The following NAGPA variants were observed in gnomAD, a reference collection of about 807,000 sequenced individuals.
NAGPA encodes alpha-N-acetylglucosaminyl phosphodiesterase.
Under a neutral mutation model 48.5 loss-of-function variants are expected in NAGPA, and 56 were observed. The observed-to-expected ratio is 1.15, with a 90% CI of 0.93 to 1.44. NAGPA has a LOEUF of 1.44. Among genes scored for constraint, NAGPA ranks in the 40% most tolerant of loss-of-function variants. The probability of loss-of-function intolerance (pLI) is 0.00; values close to 1 mark genes in which losing one functional copy is unlikely to be tolerated. For missense variants in NAGPA, 888 were observed against 735.0 expected (o/e 1.21, Z -2.41); for synonymous variants, 399 against 315.5 (o/e 1.26, Z -2.81).
At chr16:5,028,296 C>T in intron 5 of NAGPA, 111 bp from the exon 6 acceptor site, 1 of 1,538,968 alleles carries the variant, frequency 6.5e-7, no homozygotes, top group Non-Finnish European at 8.8e-7. Context: ...TACCTACCTA[C>T]CTACAAGATG....
chr16:5,026,090 G>C (rs1412518198), intron 9 of NAGPA, among the ~76,000 whole-genome samples: 1 of 151,810 alleles, frequency 6.6e-6, no homozygotes, highest in East Asian at 2.0e-4. Flanking sequence ...CACCACGCCT[G>C]GCTAATTTTC....
rs537747371 is a variant in NAGPA at position 5,033,119 on chromosome 16, G to A, written c.542+154C>T. ...CAAGTGCTCAATGATACTGGATGAT[G>A]AATAAACTCTGCAAGGAAGCGATTC... On this transcript the variant is annotated intron_variant, in intron 2 of 9. Coordinates refer to ENST00000312251, the MANE Select transcript of NAGPA (RefSeq NM_016256.4). This position sits in a 1 kb window ranked among gnomAD's most constrained non-coding sequence, Gnocchi z 4.2. 1.0e-5 allele frequency: 9 copies of A among 891,236 alleles called. No homozygotes were observed. In the East Asian group the frequency reaches 1.3e-4, roughly 13 times the overall value. The allele number at this position is 891,236 out of a possible 1,614,324, so 55.2% of individuals were successfully genotyped here. A position where few individuals can be genotyped will look rare whatever the true frequency, so the allele number is the denominator to read the frequency against.
At chr16:5,031,921 A>C (rs757304416) in intron 2 of NAGPA, 37 bp from the exon 3 acceptor site, 2 of 1,613,864 alleles carry the variant, frequency 1.2e-6, no homozygotes, top group South Asian at 1.1e-5. Flanking sequence ...ACTCACCAGC[A>C]GGGGCAACTG....
intron 8 of NAGPA, 22 bp downstream of exon 8, chr16:5,027,256 C>T: frequency 6.2e-7 from 1 of 1,614,160 alleles, no homozygotes; most frequent in Non-Finnish European, 8.5e-7. Context: ...GCCCATACCC[C>T]TCCCCTTGGA....
intron 9 of NAGPA, among the ~76,000 whole-genome samples, chr16:5,026,277 T>A (rs12928143): frequency 1.3e-5 from 2 of 151,338 alleles, no homozygotes; most frequent in African/African-American, 4.9e-5. Context: ...CTGGGCGTGG[T>A]GCTCATGCCT....
In NAGPA at chr16:5,033,703, G is replaced by C; in HGVS notation, c.112C>G (p.Leu38Val). Reference sequence around the variant, plus strand: ...CGCGCGCGCGCGCGTGGATAGGGCAGTAGCAAGTCGTCGTCGCGGGAGGCC... The same window carrying C: ...CGCGCGCGCGCGCGTGGATAGGGCACTAGCAAGTCGTCGTCGCGGGAGGCC... ...SGASRDDDLL[L>V]PYPRARARLP... The change falls in exon 2 of 10, where the codon CTG becomes GTG. Residue 38 changes from leucine (L) to valine (V), a missense_variant. Transcript: ENST00000312251. This position sits in a 1 kb window ranked among gnomAD's most constrained non-coding sequence, Gnocchi z 4.2. 2 of 1,602,330 alleles carry C rather than the reference G, an allele frequency of 1.2e-6. No individual in the cohort carries two copies. Among genetic ancestry groups the C allele is most frequent in the Non-Finnish European group, 8.5e-7 (1 of 1,177,650 alleles).
In NAGPA at chr16:5,028,153, A is replaced by T; in HGVS notation, c.953T>A (p.Val318Glu). 6.3e-7 allele frequency: 1 copy of T among 1,583,494 alleles called. No individual in the cohort carries two copies. Among genetic ancestry groups the T allele is most frequent in the Non-Finnish European group, 8.6e-7 (1 of 1,164,596 alleles). The change falls in exon 6 of 10, where the codon GTG (valine) becomes GAG (glutamate). Residue 318 changes from valine (V) to glutamate (E), a missense_variant. Physicochemically the swap from Val to Glu is moderately radical, Grantham distance 121 (BLOSUM62 -2). Coordinates refer to ENST00000312251, the MANE Select transcript of NAGPA (RefSeq NM_016256.4). ...QDNMWRCPRQ[V>E]STVVCVHEPR... ...TTCGTGCACACACACCACGGTGGAC[A>T]CTTGGCGGGGACAGCGCCACATGTT...
chr16:5,031,774 G>C lies in NAGPA; in HGVS notation c.653C>G (p.Ala218Gly), dbSNP rs555338465. 3.7e-6 allele frequency: 6 copies of C among 1,614,120 alleles called. No individual in the cohort carries two copies. The Admixed American group carries it at 8.3e-5, about 22-fold the overall frequency. The stretch of plus-strand genomic sequence containing the variant: ...CTCCTGTGTCTCGTCACACTCTGTG[G>C]CTTGGCTCTCGTTGATGTAGATGCT... ...NGSIYINESQ[A>G]TECDETQETG... The change falls in exon 3 of 10, where the codon GCC (alanine) becomes GGC (glycine). Residue 218 changes from alanine to glycine, a missense_variant. Physicochemically the swap from Ala to Gly is moderately conservative, Grantham distance 60. Transcript: ENST00000312251.
At chr16:5,032,970 G>A (rs1303565175) in intron 2 of NAGPA, 5 of 524,252 alleles carry the variant, frequency 9.5e-6, no homozygotes, top group Non-Finnish European at 1.7e-5. Context: ...ACAGCAATCA[G>A]AATGTATGTT....
At chr16:5,029,545 G>C (rs76625537) in intron 4 of NAGPA, 2,850 of 195,958 alleles carry the variant, frequency 0.015, 82 homozygotes, top group African/African-American at 0.063. Flanking sequence ...CCAGCATCTT[G>C]GTTTTGTCCA....
chr16:5,031,644 A>C lies in NAGPA; in HGVS notation c.682+101T>G. The C allele has an allele frequency of 2.0e-6, 3 of 1,514,348 alleles. 1 individual carries two copies. In the South Asian group the frequency reaches 3.4e-5, roughly 17 times the overall value. The allele number at this position is 1,514,348 out of a possible 1,614,324, so 93.8% of individuals were successfully genotyped here. A position where few individuals can be genotyped will look rare whatever the true frequency, so the allele number is the denominator to read the frequency against. ...GTACCCAGAATAGTGCTGGGCACAA[A>C]GTAGCTGCTCAATACTTGTTGAAAG... On this transcript the variant is annotated intron_variant, in intron 3 of 9. Transcript: ENST00000312251.
rs72773709 is a variant in NAGPA, at chr16:5,031,918, A to T, written c.543-34T>A. The T allele has an allele frequency of 0.018, 29,450 of 1,613,896 alleles. 372 individuals carry two copies. The highest frequency in any genetic ancestry group is 0.022 in the Non-Finnish European group (25,410 of 1,179,926). On this transcript the variant is annotated intron_variant, in intron 2 of 9. Transcript: ENST00000312251. ...GGGGAAGGTGGGAAGCTCACTCACC[A>T]GCAGGGGCAACTGCAGATAGTCAGG...
chr16:5,029,213 G>A (rs1956060054), intron 4 of NAGPA: 4 of 813,268 alleles, frequency 4.9e-6, no homozygotes, highest in South Asian at 3.3e-5. Context: ...CATGGCATAG[G>A]AATCCTTAAG....
intron 9 of NAGPA, among the ~76,000 whole-genome samples, chr16:5,026,872 C>T (rs1364045292): frequency 6.6e-6 from 1 of 152,202 alleles, no homozygotes; most frequent in Non-Finnish European, 1.5e-5. Context: ...GAGGAAACCT[C>T]CTGCCCCCAC....
chr16:5,030,539 C>T (rs1371105444), intron 3 of NAGPA, 46 bp from the exon 4 acceptor site: 2 of 1,468,634 alleles, frequency 1.4e-6, no homozygotes, highest in Admixed American at 3.9e-5. Context: ...TGGGAGGCCT[C>T]CTGCTTCTTG....
chr16:5,027,756 C>A, intron 7 of NAGPA, 90 bp downstream of exon 7: 2 of 1,524,452 alleles, frequency 1.3e-6, no homozygotes, highest in South Asian at 1.2e-5. Flanking sequence ...ATTTCCCAGA[C>A]CAGAAGGTGG....
In NAGPA at chr16:5,033,160, A is replaced by C. The variant is rs965421630; in HGVS notation, c.542+113T>G. Reference sequence around the variant, plus strand: ...GAAGCGATTCCTATCCCCATTCTGCAGAGGAGGAAACAGGGGCTCAGCTTG... The same window carrying C: ...GAAGCGATTCCTATCCCCATTCTGCCGAGGAGGAAACAGGGGCTCAGCTTG... On this transcript the variant is annotated intron_variant, in intron 2 of 9. Coordinates refer to ENST00000312251, the MANE Select transcript of NAGPA (RefSeq NM_016256.4). This position sits in a 1 kb window ranked among gnomAD's most constrained non-coding sequence, Gnocchi z 4.2. 19 of 1,229,484 alleles carry C rather than the reference A, an allele frequency of 1.5e-5. No individual in the cohort carries two copies. Among genetic ancestry groups the C allele is most frequent in the Non-Finnish European group, 2.2e-5 (19 of 871,508 alleles). 76.2% of individuals were successfully genotyped at this position (1,229,484 alleles called of 1,614,324 possible).
intron 5 of NAGPA, chr16:5,028,533 C>G (rs1279133664): frequency 1.7e-6 from 1 of 581,750 alleles, no homozygotes; most frequent in Non-Finnish European, 3.1e-6. Flanking sequence ...CTGTGCCCAG[C>G]CCTCTCCAGT....
chr16:5,032,997 T>C (rs1956128831), intron 2 of NAGPA: 1 of 543,014 alleles, frequency 1.8e-6, no homozygotes, highest in African/African-American at 1.9e-5. Flanking sequence ...TTACCCGGCT[T>C]TTGTTGATTT....
Sources: allele counts gnomAD v4.1 joint callset (sites outside exome capture counted in the v4.1 genomes callset), GRCh38; gene constraint gnomAD v4.1.1; non-coding constraint Gnocchi (gnomAD v3.1); transcripts MANE v1.5; gene names NCBI Gene and HGNC (gene_info 2026-07-23, HGNC 2026-07-21).